Variants in PPARGC1A observed in about 807,000 individuals in gnomAD.
PPARGC1A encodes the protein PPARG coactivator 1 alpha, also known as peroxisome proliferator-activated receptor gamma coactivator 1-alpha.
In PPARGC1A, 25 loss-of-function variants were observed where a neutral mutation model predicts 88.7. That is an observed-to-expected ratio of 0.28 (90% CI 0.21 to 0.39). The LOEUF is 0.39. Among genes scored for constraint, PPARGC1A ranks in the 10% least tolerant of loss-of-function variants. PPARGC1A has a pLI of 1.00. For missense variants in PPARGC1A, 880 were observed against 968.7 expected, an observed-to-expected ratio of 0.91 and a Z score of 1.22; for synonymous variants, 363 against 355.6, an observed-to-expected ratio of 1.02 and a Z score of -0.24.
At chr4:24,320,739 ACAC>A in the PPARGC1A span, among the ~76,000 whole-genome samples, 1 of 152,166 alleles carries the variant, frequency 6.6e-6, no homozygotes, top group Admixed American at 6.5e-5. Flanking sequence ...TTACATAAAA[ACAC>A]CACTCCTAGG....
chr4:24,308,742 A>T, the PPARGC1A span, among the ~76,000 whole-genome samples: 2 of 152,108 alleles, frequency 1.3e-5, no homozygotes, highest in African/African-American at 4.8e-5. Context: ...TTTGAAATAA[A>T]AGAGAGGGAA....
the PPARGC1A span, among the ~76,000 whole-genome samples, chr4:24,047,984 G>A: frequency 1.3e-5 from 2 of 152,246 alleles, no homozygotes; most frequent in African/African-American, 4.8e-5. Context: ...GGGTAAATGG[G>A]CAAATATATA....
At chr4:23,990,169 G>A in the PPARGC1A span, among the ~76,000 whole-genome samples, 263 of 145,522 alleles carry the variant, frequency 1.8e-3, 5 homozygotes, top group East Asian at 0.034. Context: ...TACATATAAC[G>A]CATATTCCAA....
the PPARGC1A span, among the ~76,000 whole-genome samples, chr4:24,159,206 C>CTTTTTTTT: frequency 2.7e-5 from 3 of 109,860 alleles, no homozygotes; most frequent in African/African-American, 3.9e-5. Flanking sequence ...GGAAATTAAC[C>CTTTTTTTT]TTTTTTTTTT....
chr4:24,123,878 C>T, the PPARGC1A span, among the ~76,000 whole-genome samples: 2 of 141,110 alleles, frequency 1.4e-5, no homozygotes, highest in African/African-American at 2.7e-5. Context: ...CATGCCTTTG[C>T]TAAGCTTGAT....
the PPARGC1A span, among the ~76,000 whole-genome samples, chr4:24,197,227 G>A: frequency 6.6e-6 from 1 of 152,210 alleles, no homozygotes; most frequent in African/African-American, 2.4e-5. Context: ...TCTGATCTTT[G>A]CTATTTTCCA....
chr4:24,279,149 T>C, the PPARGC1A span, among the ~76,000 whole-genome samples: 1 of 152,284 alleles, frequency 6.6e-6, no homozygotes, highest in South Asian at 2.1e-4. Context: ...AACCACATGG[T>C]ACAAAAACAC....
the PPARGC1A span, among the ~76,000 whole-genome samples, chr4:24,295,806 A>T: frequency 6.6e-6 from 1 of 151,030 alleles, no homozygotes; most frequent in Non-Finnish European, 1.5e-5. Context: ...CATCCTTTAA[A>T]TTGTTTAAAT....
chr4:24,097,753 T>C, the PPARGC1A span, among the ~76,000 whole-genome samples: 2 of 152,288 alleles, frequency 1.3e-5, no homozygotes, highest in South Asian at 2.1e-4. Flanking sequence ...GGTAGGGAAA[T>C]AGAGTACTGG....
the PPARGC1A span, among the ~76,000 whole-genome samples, chr4:24,402,529 T>G: frequency 2.0e-5 from 3 of 152,090 alleles, no homozygotes; most frequent in East Asian, 5.8e-4. Context: ...AACCTGAGAA[T>G]TAGTGAGGTC....
chr4:24,265,317 A>T, the PPARGC1A span, among the ~76,000 whole-genome samples: 1 of 152,162 alleles, frequency 6.6e-6, no homozygotes, highest in African/African-American at 2.4e-5. Context: ...TCCTATAAAA[A>T]GAAGTCATTA....
At chr4:23,949,991 AC>A in the PPARGC1A span, among the ~76,000 whole-genome samples, 1 of 152,140 alleles carries the variant, frequency 6.6e-6, no homozygotes, top group African/African-American at 2.4e-5. Context: ...TTAGATGGAA[AC>A]CCATTTTAAA....
chr4:24,262,930 C>T, the PPARGC1A span, among the ~76,000 whole-genome samples: 2 of 152,116 alleles, frequency 1.3e-5, no homozygotes, highest in Non-Finnish European at 2.9e-5. Flanking sequence ...GCAGACGGCT[C>T]CATGCACATT....
chr4:24,405,257 A>G, the PPARGC1A span, among the ~76,000 whole-genome samples: 1 of 152,180 alleles, frequency 6.6e-6, no homozygotes, highest in African/African-American at 2.4e-5. Context: ...AGTCCTCAAA[A>G]TCTTTCTAAG....
chr4:24,091,734 C>T, the PPARGC1A span: 2 of 701,062 alleles, frequency 2.9e-6, no homozygotes, highest in African/African-American at 3.9e-5. Flanking sequence ...CAGACAGATG[C>T]CAACTGGCCA....
the PPARGC1A span, among the ~76,000 whole-genome samples, chr4:24,028,657 C>A: frequency 6.6e-6 from 1 of 152,138 alleles, no homozygotes; most frequent in Admixed American, 6.5e-5. Context: ...CTACCTGTAG[C>A]CATAGAAAGT....
chr4:24,359,655 A>G, the PPARGC1A span, among the ~76,000 whole-genome samples: 1 of 152,204 alleles, frequency 6.6e-6, no homozygotes, highest in Admixed American at 6.5e-5. Flanking sequence ...ATGGGCCCTA[A>G]TCCAATGACT....
chr4:23,806,651 C>T (rs1158393781), intron 10 of PPARGC1A, among the ~76,000 whole-genome samples: 1 of 152,136 alleles, frequency 6.6e-6, no homozygotes, highest in Non-Finnish European at 1.5e-5. Context: ...AAATTGAAGA[C>T]TTACATTGCA....
chr4:23,799,708 G>C (rs192526434), intron 12 of PPARGC1A, among the ~76,000 whole-genome samples: 1 of 152,300 alleles, frequency 6.6e-6, no homozygotes, highest in African/African-American at 2.4e-5. Context: ...GATAACGAGA[G>C]AGGAAGCATC....
Sources: gnomAD v4.1 joint callset for allele counts (sites outside exome capture counted in the v4.1 genomes callset) on GRCh38, gnomAD v4.1.1 for gene constraint, MANE v1.5 for transcripts, NCBI Gene and HGNC (gene_info 2026-07-23, HGNC 2026-07-21) for gene names.